The following LACTBL1 variants were observed in gnomAD, a reference collection of about 807,000 sequenced individuals.
LACTBL1 encodes lactamase beta like 1, also known as beta-lactamase-like protein 1.
LACTBL1 carries 29 observed loss-of-function variants against 39.6 expected under a neutral mutation model. That is an observed-to-expected ratio of 0.73 (90% confidence interval 0.55 to 1.00). The LOEUF is 1.00. Ranked by LOEUF, LACTBL1 falls within the 50% of genes least tolerant of loss-of-function variation. The pLI is 0.00. For synonymous variants in LACTBL1, 361 were observed against 360.7 expected, an observed-to-expected ratio of 1.00 and a Z score of -0.01; for missense variants, 711 against 748.5, an observed-to-expected ratio of 0.95 and a Z score of 0.59.
chr1:22,953,307 G>A, exon 6 of LACTBL1: 1 of 1,226,232 alleles, frequency 8.2e-7, no homozygotes, highest in Non-Finnish European at 1.0e-6. Flanking sequence ...GCGCCTCCAC[G>A]CGCGGCCCGA....
chr1:22,959,329 A>G (rs919603933), intron 3 of LACTBL1, among the ~76,000 whole-genome samples: 30 of 152,342 alleles, frequency 2.0e-4, no homozygotes, highest in African/African-American at 7.2e-4. Flanking sequence ...GTGCCTGTCT[A>G]CGTTCCTAGG....
chr1:22,958,009 C>T (rs1640779355), intron 4 of LACTBL1, among the ~76,000 whole-genome samples: 1 of 152,114 alleles, frequency 6.6e-6, no homozygotes. Context: ...CTCCTTTACC[C>T]ATTTTTCTGC....
chr1:22,954,758 G>A (rs1257583773), intron 5 of LACTBL1, among the ~76,000 whole-genome samples: 1 of 152,172 alleles, frequency 6.6e-6, no homozygotes, highest in Non-Finnish European at 1.5e-5. Context: ...AGGGAAGTGG[G>A]GCCTGAGGTT....
At chr1:22,963,543 C>T (rs529935586) in intron 1 of LACTBL1, among the ~76,000 whole-genome samples, 2 of 152,330 alleles carry the variant, frequency 1.3e-5, no homozygotes, top group African/African-American at 4.8e-5. Context: ...TCAGCCACAT[C>T]TGTCTGTCTG....
exon 2 of LACTBL1, chr1:22,963,172 G>A: frequency 7.5e-7 from 1 of 1,331,314 alleles, no homozygotes; most frequent in Non-Finnish European, 9.6e-7. Flanking sequence ...GGGTGCCGGG[G>A]ACACATCCTC....
chr1:22,963,294 G>C lies in LACTBL1; in HGVS notation c.50-78C>G, dbSNP rs1640845335. The C allele has an allele frequency of 2.5e-6, 2 of 795,518 alleles. 1 individual carries two copies. Among genetic ancestry groups the C allele is most frequent in the South Asian group, 6.9e-5 (2 of 29,086 alleles). 49.3% of individuals were successfully genotyped at this position (795,518 alleles called of 1,614,324 possible). ...AGGGGGAAAGTGGCAGCAAAGGCCA[G>C]AGCAGTGCCTCAAGGACAGCCCTCC... On this transcript the variant is annotated intron_variant, in intron 1 of 5. Coordinates refer to ENST00000426928, the Ensembl canonical transcript of LACTBL1.
chr1:22,960,991 G>A (rs923495371), intron 2 of LACTBL1, among the ~76,000 whole-genome samples: 1 of 152,004 alleles, frequency 6.6e-6, no homozygotes, highest in Non-Finnish European at 1.5e-5. Flanking sequence ...TGTAGACCAG[G>A]GTGGTCTCCA....
At chr1:22,969,788 C>T (rs542331475), upstream of LACTBL1, among the ~76,000 whole-genome samples, 1 of 152,286 alleles carries the variant, frequency 6.6e-6, no homozygotes, top group African/African-American at 2.4e-5. Flanking sequence ...CCAGGCAGAG[C>T]CGCTCATGGT....
chr1:22,970,574 G>A, the LACTBL1 span, among the ~76,000 whole-genome samples: 3 of 152,110 alleles, frequency 2.0e-5, no homozygotes, highest in South Asian at 2.1e-4. Flanking sequence ...CTGGGAGGCC[G>A]AGGCAGGAGG....
chr1:22,953,478 G>A (rs1200079779), exon 6 of LACTBL1: 5 of 1,229,974 alleles, frequency 4.1e-6, no homozygotes, highest in Non-Finnish European at 5.1e-6. Context: ...GGAGCTCATC[G>A]TAGGCCCGCG....
chr1:22,960,617 C>CAAAAA lies in LACTBL1; in HGVS notation c.160-523_160-519dup, dbSNP rs35006759. ...AGGCAGCAAGAGCGAAACTCCGTCT[C>CAAAAA]AAAAAAAAAAAAAAAAAAAAAAAAA... On this transcript the variant is annotated intron_variant, in intron 2 of 5. Transcript: ENST00000426928. 7.2e-3 allele frequency among the ~76,000 whole-genome samples: 274 copies of CAAAAA among 37,918 alleles called. 17 individuals are homozygous for CAAAAA. Among genetic ancestry groups the CAAAAA allele is most frequent in the African/African-American group, 0.02 (198 of 9,692 alleles). The allele number at this position is 37,918 out of a possible 152,430, so 24.9% of individuals were successfully genotyped here. A position where few individuals can be genotyped will look rare whatever the true frequency, so the allele number is the denominator to read the frequency against.
chr1:22,965,421 C>A, upstream of LACTBL1: 1 of 1,249,268 alleles, frequency 8.0e-7, no homozygotes, highest in Non-Finnish European at 1.0e-6. Context: ...GGGCCACCAG[C>A]CATCCTGGGA....
chr1:22,955,538 C>T, intron 4 of LACTBL1, 112 bp from the exon 7 acceptor site: 2 of 683,680 alleles, frequency 2.9e-6, no homozygotes, highest in Admixed American at 5.3e-5. Context: ...AACAACAAAT[C>T]AGTTTTTTAA....
At chr1:22,970,995 A>G in the LACTBL1 span, among the ~76,000 whole-genome samples, 1 of 152,290 alleles carries the variant, frequency 6.6e-6, no homozygotes, top group South Asian at 2.1e-4. Context: ...ACTGGATCAT[A>G]TGGAAGATAC....
At chr1:22,964,911 T>C (rs1640861943) in intron 1 of LACTBL1, among the ~76,000 whole-genome samples, 1 of 152,208 alleles carries the variant, frequency 6.6e-6, no homozygotes, top group Non-Finnish European at 1.5e-5. Context: ...TATTGAGGTC[T>C]TAGATACAGC....
intron 4 of LACTBL1, among the ~76,000 whole-genome samples, chr1:22,957,571 A>G (rs1640773593): frequency 6.6e-6 from 1 of 150,880 alleles, no homozygotes; most frequent in African/African-American, 2.4e-5. Flanking sequence ...AACATGTCTC[A>G]GTGTAGTTTT....
At chr1:22,965,306 G>A (rs1319643210) in exon 1 of LACTBL1, 1 of 1,323,116 alleles carries the variant, frequency 7.6e-7, no homozygotes, top group South Asian at 2.3e-5. Context: ...TCAGCTTGGG[G>A]AGGTGATACT....
At chr1:22,958,728 C>T (rs1049220168) in exon 4 of LACTBL1, 29 of 1,550,232 alleles carry the variant, frequency 1.9e-5, no homozygotes, top group Middle Eastern at 3.3e-4. Context: ...CAGGTGAAGG[C>T]CTTGGGGCGG....
chr1:22,963,911 G>C (rs1476580412), intron 1 of LACTBL1, among the ~76,000 whole-genome samples: 1 of 152,032 alleles, frequency 6.6e-6, no homozygotes, highest in African/African-American at 2.4e-5. Context: ...AGGTCCCTGC[G>C]GTAGGTTTCA....
Sources: gnomAD v4.1 joint callset for allele counts (sites outside exome capture counted in the v4.1 genomes callset) on GRCh38, gnomAD v4.1.1 for gene constraint, MANE v1.5 for transcripts, NCBI Gene and HGNC (gene_info 2026-07-23, HGNC 2026-07-21) for gene names.